The following DPP10 variants were observed in gnomAD, a reference collection of about 807,000 sequenced individuals.
DPP10 encodes the protein dipeptidyl peptidase like 10.
Under a neutral mutation model 120.9 loss-of-function variants are expected in DPP10, and 33 were observed. The ratio of observed to expected loss-of-function variants is 0.27; its 90% CI spans 0.21 to 0.37. DPP10 has a LOEUF of 0.37. DPP10 is among the 10% of genes least tolerant of loss of function. The pLI is 1.00. For synonymous variants in DPP10, 337 were observed against 326.1 expected, an observed-to-expected ratio of 1.03 and a Z score of -0.36; for missense variants, 816 against 942.8, an observed-to-expected ratio of 0.87 and a Z score of 1.76.
chr2:115,630,848 T>G (rs1017913644), intron 5 of DPP10, among the ~76,000 whole-genome samples: 4 of 151,980 alleles, frequency 2.6e-5, no homozygotes, highest in Non-Finnish European at 5.9e-5. Flanking sequence ...TGTCAGGCAT[T>G]GATATTGGCC....
At chr2:115,562,274 A>G (rs1355983197) in intron 5 of DPP10, among the ~76,000 whole-genome samples, 1 of 151,922 alleles carries the variant, frequency 6.6e-6, no homozygotes, top group East Asian at 1.9e-4. Context: ...CTTTCTCTTC[A>G]TCTCTACCTC....
At chr2:115,244,216 G>GTGTATATATA (rs1264600615) in intron 1 of DPP10, among the ~76,000 whole-genome samples, 11 of 119,838 alleles carry the variant, frequency 9.2e-5, no homozygotes, top group African/African-American at 3.6e-4. Flanking sequence ...ATATGTGTGT[G>GTGTATATATA]TATATATATA....
intron 3 of DPP10, among the ~76,000 whole-genome samples, chr2:115,422,344 G>A (rs979392687): frequency 6.6e-6 from 1 of 152,176 alleles, no homozygotes; most frequent in Non-Finnish European, 1.5e-5. Context: ...TTCAACCTGG[G>A]AAGTTTTAGA....
chr2:115,663,112 A>T (rs2149415307), intron 5 of DPP10, among the ~76,000 whole-genome samples: 1 of 152,284 alleles, frequency 6.6e-6, no homozygotes, highest in South Asian at 2.1e-4. Context: ...AAAATTGAGC[A>T]TCCATCCCCT....
chr2:115,106,618 C>T (rs1441784366), intron 1 of DPP10, among the ~76,000 whole-genome samples: 2 of 148,762 alleles, frequency 1.3e-5, no homozygotes, highest in Non-Finnish European at 3.0e-5. Context: ...TGCCACCACA[C>T]CCAGCTAATT....
At chr2:115,122,276 T>G (rs2049864358) in intron 1 of DPP10, among the ~76,000 whole-genome samples, 1 of 152,132 alleles carries the variant, frequency 6.6e-6, no homozygotes, top group Non-Finnish European at 1.5e-5. Flanking sequence ...CCCACCCCTG[T>G]TTTTCCCTGA....
intron 4 of DPP10, among the ~76,000 whole-genome samples, chr2:115,511,929 A>G (rs920190177): frequency 6.6e-6 from 1 of 151,036 alleles, no homozygotes; most frequent in Admixed American, 6.6e-5. Context: ...CTGTGGTCTC[A>G]CTATGTTTCC....
intron 1 of DPP10, among the ~76,000 whole-genome samples, chr2:115,081,008 A>C (rs1708229465): frequency 6.6e-6 from 1 of 152,142 alleles, no homozygotes; most frequent in South Asian, 2.1e-4. Context: ...TTTGAGGGTG[A>C]TATTTTGTTG....
intron 5 of DPP10, among the ~76,000 whole-genome samples, chr2:115,656,019 C>G (rs1457960303): frequency 2.6e-5 from 4 of 151,272 alleles, no homozygotes; most frequent in Non-Finnish European, 5.9e-5. Context: ...TTCTGTTATG[C>G]ATAATAAATA....
Position 115,843,135 on chromosome 2 carries a change from T to A in DPP10, c.*790T>A, listed in dbSNP as rs556160598. 2.6e-5 allele frequency: 4 copies of A among 152,764 alleles called. No homozygotes were observed. Among genetic ancestry groups the A allele is most frequent in the Admixed American group, 2.6e-4 (4 of 15,298 alleles). 9.5% of individuals were successfully genotyped at this position (152,764 alleles called of 1,614,324 possible). ...GATGCTTTGTTTAATGAGCCAAATATGATGAAACATTTTTTCCAATTCAAA... is the reference window on the plus strand; with the variant it reads ...GATGCTTTGTTTAATGAGCCAAATAAGATGAAACATTTTTTCCAATTCAAA... On this transcript the variant is annotated 3_prime_UTR_variant, in exon 26 of 26. Transcript: ENST00000410059.
intron 1 of DPP10, among the ~76,000 whole-genome samples, chr2:115,242,298 C>G (rs2058323189): frequency 6.6e-6 from 1 of 151,872 alleles, no homozygotes; most frequent in South Asian, 2.1e-4. Flanking sequence ...GTGATAATCT[C>G]CAATCCCATC....
At chr2:114,612,170 C>A (rs1025568816) in intron 1 of DPP10, among the ~76,000 whole-genome samples, 2 of 152,152 alleles carry the variant, frequency 1.3e-5, no homozygotes, top group Non-Finnish European at 2.9e-5. Context: ...AGGCCCTGCA[C>A]GGATGGCATC....
intron 1 of DPP10, among the ~76,000 whole-genome samples, chr2:114,517,813 G>T (rs879425021): frequency 2.6e-5 from 4 of 152,200 alleles, no homozygotes; most frequent in Admixed American, 1.3e-4. Context: ...ACACCCAGCT[G>T]CAGAGCGGAG....
chr2:114,493,106 A>G (rs1028587472), intron 1 of DPP10, among the ~76,000 whole-genome samples: 1 of 152,206 alleles, frequency 6.6e-6, no homozygotes, highest in East Asian at 1.9e-4. Flanking sequence ...AGCATAAAAT[A>G]TAGAGATACA....
intron 1 of DPP10, among the ~76,000 whole-genome samples, chr2:115,273,879 T>G (rs1394201790): frequency 6.6e-6 from 1 of 152,238 alleles, no homozygotes; most frequent in Non-Finnish European, 1.5e-5. Flanking sequence ...AATAATGCCA[T>G]GTGCTTTTAC....
At chr2:115,045,266 A>G (rs945851079) in intron 1 of DPP10, among the ~76,000 whole-genome samples, 3 of 152,090 alleles carry the variant, frequency 2.0e-5, no homozygotes, top group African/African-American at 7.2e-5. Context: ...TGATATATTG[A>G]TATATTGTAT....
intron 1 of DPP10, among the ~76,000 whole-genome samples, chr2:115,107,794 A>G (rs1018176166): frequency 6.6e-6 from 1 of 152,178 alleles, no homozygotes; most frequent in Admixed American, 6.5e-5. Flanking sequence ...AAAGACTTAT[A>G]GAACATTTTT....
At chr2:115,295,928 A>G (rs2060865737) in intron 1 of DPP10, among the ~76,000 whole-genome samples, 1 of 152,152 alleles carries the variant, frequency 6.6e-6, no homozygotes, top group Admixed American at 6.6e-5. Context: ...GAAGTTTATT[A>G]CATTTGATTT....
At chr2:115,627,592 T>C (rs2085467864) in intron 5 of DPP10, among the ~76,000 whole-genome samples, 1 of 152,194 alleles carries the variant, frequency 6.6e-6, no homozygotes, top group Non-Finnish European at 1.5e-5. Flanking sequence ...TAGGTAAACG[T>C]GTGCTATGGT....
Sources: allele counts gnomAD v4.1 joint callset (sites outside exome capture counted in the v4.1 genomes callset), GRCh38; gene constraint gnomAD v4.1.1; transcripts MANE v1.5; gene names NCBI Gene and HGNC (gene_info 2026-07-23, HGNC 2026-07-21).